PTPRN2: variants seen among roughly 807,000 people sequenced by gnomAD.
PTPRN2 encodes the protein receptor-type tyrosine-protein phosphatase N2.
Under a neutral mutation model 118.8 loss-of-function variants are expected in PTPRN2, and 74 were observed. The ratio of observed to expected loss-of-function variants is 0.62; its 90% confidence interval spans 0.52 to 0.76. PTPRN2 has a LOEUF of 0.76. PTPRN2 is among the 30% of genes least tolerant of loss of function. The probability of loss-of-function intolerance (pLI) is 0.00; values close to 1 mark genes in which losing one functional copy is unlikely to be tolerated. For missense variants in PTPRN2, 1,481 were observed against 1,394.4 expected (o/e 1.06, Z -0.99); for synonymous variants, 641 against 608.0 (o/e 1.05, Z -0.80).
chr7:157,751,094 G>T (rs560292074), intron 12 of PTPRN2, among the ~76,000 whole-genome samples: 100 of 152,374 alleles, frequency 6.6e-4, no homozygotes, highest in African/African-American at 2.3e-3. Flanking sequence ...GCTGTGAGCT[G>T]TGGGGCCGAG....
chr7:157,670,002 T>G (rs1796331368), intron 13 of PTPRN2, among the ~76,000 whole-genome samples: 3 of 152,186 alleles, frequency 2.0e-5, no homozygotes, highest in African/African-American at 2.4e-5. Context: ...GCTGAGCCCC[T>G]GCACACTGGT....
chr7:158,500,664 A>C (rs113078841), intron 1 of PTPRN2, among the ~76,000 whole-genome samples: 66 of 152,254 alleles, frequency 4.3e-4, no homozygotes, highest in African/African-American at 1.5e-3. Context: ...CAAACGCCCC[A>C]GCCACAAAAA....
At chr7:158,407,748 C>T (rs1269024564) in intron 2 of PTPRN2, among the ~76,000 whole-genome samples, 2 of 152,160 alleles carry the variant, frequency 1.3e-5, no homozygotes, top group African/African-American at 2.4e-5. Context: ...GACCCTGGGC[C>T]GCTCAAGCAG....
rs80251973 is a variant in PTPRN2, at chr7:158,134,826, T to C, written c.1174-767A>G. On this transcript the variant is annotated intron_variant, in intron 8 of 22. Coordinates refer to ENST00000389418, the MANE Select transcript of PTPRN2 (RefSeq NM_002847.5). Reference sequence around the variant, plus strand: ...TCATGTAATTACTACTCCAACCCCATAAATAAAGGGTGAGTTTCACCTTTA... The same window carrying C: ...TCATGTAATTACTACTCCAACCCCACAAATAAAGGGTGAGTTTCACCTTTA... Among the ~76,000 whole-genome samples, 102 of 152,300 alleles carry C rather than the reference T, an allele frequency of 6.7e-4. 1 individual carries two copies. In the East Asian group the frequency reaches 0.017, roughly 26 times the overall value.
rs1175998824 is a variant in PTPRN2, at chr7:158,574,820, G to A, written c.112+12738C>T. ...CAGGCCTTGCTGGCACACTGGGTGG[G>A]TGGCTCCGTGGAGTGTCCTGCCTAC... On this transcript the variant is annotated intron_variant, in intron 1 of 22. Coordinates refer to ENST00000389418, the MANE Select transcript of PTPRN2 (RefSeq NM_002847.5). This position sits in a 1 kb window ranked among gnomAD's most constrained non-coding sequence, Gnocchi z 4.6. Among the ~76,000 whole-genome samples the A allele has an allele frequency of 6.6e-6, 1 of 152,182 alleles. No homozygotes were observed. The highest frequency in any genetic ancestry group is 2.4e-5 in the African/African-American group (1 of 41,440).
In PTPRN2 at chr7:158,081,328, C is replaced by T. The variant is rs746331581; in HGVS notation, c.1693G>A (p.Val565Met). ...GCCTTCTCCACATCCTCAGTGGTCA[C>T]GTTTTGGACATTGGCGCTCACTTTG... ...TFKVSANVQN[V>M]TTEDVEKATV... Residue 565 changes from valine (V) to methionine (M), a missense_variant, in exon 11 of 23, where the codon GTG becomes ATG. Coordinates refer to ENST00000389418, the MANE Select transcript of PTPRN2 (RefSeq NM_002847.5). 14 of 1,614,028 alleles carry T rather than the reference C, an allele frequency of 8.7e-6. No individual in the cohort carries two copies. In the Admixed American group the frequency reaches 1.2e-4, roughly 13 times the overall value.
In PTPRN2 at chr7:157,572,233, T is replaced by A. The variant is rs370042475; in HGVS notation, c.2784-740A>T. ...AATTCAGTGAAACAATGAAACATGT[T>A]TATGAAGTCCATTAAAGTTGTCAGT... On this transcript the variant is annotated intron_variant, in intron 19 of 22. Coordinates refer to ENST00000389418, the MANE Select transcript of PTPRN2 (RefSeq NM_002847.5). Among the ~76,000 whole-genome samples the A allele has an allele frequency of 2.0e-5, 3 of 152,298 alleles. No homozygotes were observed. In the East Asian group the frequency reaches 5.8e-4, roughly 29 times the overall value.
In PTPRN2 at chr7:158,565,194, G is replaced by A. The variant is rs376065453; in HGVS notation, c.112+22364C>T. On this transcript the variant is annotated intron_variant, in intron 1 of 22. Transcript: ENST00000389418. This position sits in a 1 kb window ranked among gnomAD's most constrained non-coding sequence, Gnocchi z 4.6. ...CGTGCTACATCAGATCTGAGTATCA[G>A]GATCCAGCCGTATTTGACTTTTAGA... 2.6e-5 allele frequency among the ~76,000 whole-genome samples: 4 copies of A among 152,174 alleles called. No individual in the cohort carries two copies. Among genetic ancestry groups the A allele is most frequent in the South Asian group, 4.1e-4 (2 of 4,828 alleles).
At chr7:158,144,641 GGAAGGGGAAGGA>G (rs1214124637) in intron 6 of PTPRN2, among the ~76,000 whole-genome samples, 1 of 152,120 alleles carries the variant, frequency 6.6e-6, no homozygotes, top group African/African-American at 2.4e-5. Context: ...AAGGGGAAGG[GGAAGGGGAAGGA>G]GAAGGGGGAC....
Position 157,987,313 on chromosome 7 carries a change from G to C in PTPRN2, c.1724-88576C>G, listed in dbSNP as rs1417616863. ...GATGACCGGTCACTAAAGGGGGCGA[G>C]GTTACCAGTCACTAAAGGGAAAGGG... On this transcript the variant is annotated intron_variant, in intron 11 of 22. Transcript: ENST00000389418. This position sits in a 1 kb window ranked among gnomAD's most constrained non-coding sequence, Gnocchi z 4.3. Among the ~76,000 whole-genome samples the C allele has an allele frequency of 6.7e-6, 1 of 150,122 alleles. No individual in the cohort carries two copies. The highest frequency in any genetic ancestry group is 6.7e-5 in the Admixed American group (1 of 15,006).
At chr7:157,708,482 G>A (rs528213216) in intron 12 of PTPRN2, among the ~76,000 whole-genome samples, 4 of 152,100 alleles carry the variant, frequency 2.6e-5, no homozygotes, top group South Asian at 4.2e-4. Flanking sequence ...AGTGGCTCTC[G>A]GCCATTCAGG....
intron 21 of PTPRN2, among the ~76,000 whole-genome samples, chr7:157,562,163 G>C (rs1460629146): frequency 6.6e-6 from 1 of 152,158 alleles, no homozygotes; most frequent in African/African-American, 2.4e-5. Context: ...CAGGGCTCTG[G>C]GGACAGCTCG....
In PTPRN2 at chr7:157,831,558, G is replaced by C. The variant is rs145084426; in HGVS notation, c.1788+67115C>G. On this transcript the variant is annotated intron_variant, in intron 12 of 22. Transcript: ENST00000389418. The surrounding 1 kb of genome is among the most constrained non-coding windows in gnomAD (Gnocchi z 4.8). ...ACTGAGCAGGGTGAGGCAGGGAAGAGGAGGAGCAGAGGAGTGGCTGGGAGG... is the reference window on the plus strand; with the variant it reads ...ACTGAGCAGGGTGAGGCAGGGAAGACGAGGAGCAGAGGAGTGGCTGGGAGG... Among the ~76,000 whole-genome samples, 2 of 152,268 alleles carry C rather than the reference G, an allele frequency of 1.3e-5. No individual in the cohort carries two copies. The highest frequency in any genetic ancestry group is 4.1e-4 in the South Asian group (2 of 4,820).
chr7:158,342,202 C>T (rs1208243868), intron 2 of PTPRN2, among the ~76,000 whole-genome samples: 1 of 148,050 alleles, frequency 6.8e-6, no homozygotes, highest in East Asian at 2.0e-4. Context: ...ACGTCACTCA[C>T]ACCCACACAC....
At chr7:158,265,386 G>A (rs1797803798) in intron 3 of PTPRN2, among the ~76,000 whole-genome samples, 2 of 151,912 alleles carry the variant, frequency 1.3e-5, no homozygotes, top group Admixed American at 1.3e-4. Flanking sequence ...ATACTTGCAG[G>A]CAGGCACCCA....
At chr7:157,635,238 T>C (rs1036890343) in intron 14 of PTPRN2, among the ~76,000 whole-genome samples, 4 of 152,234 alleles carry the variant, frequency 2.6e-5, no homozygotes, top group African/African-American at 9.6e-5. Context: ...TGGTACACCC[T>C]ACATGATCAG....
intron 12 of PTPRN2, chr7:157,857,970 C>A (rs1184125654): frequency 6.5e-6 from 1 of 154,888 alleles, no homozygotes; most frequent in Admixed American, 6.5e-5. Context: ...TATGAGAAAG[C>A]CTTGTGAGGG....
At chr7:158,090,664 C>G (rs1814040938) in intron 10 of PTPRN2, among the ~76,000 whole-genome samples, 1 of 152,182 alleles carries the variant, frequency 6.6e-6, no homozygotes, top group Admixed American at 6.5e-5. Context: ...CTAGGATACT[C>G]CTATCACTCA....
rs1243159406 is a variant in PTPRN2 at position 157,785,326 on chromosome 7, C to T, written c.1789-102389G>A. Among the ~76,000 whole-genome samples the T allele has an allele frequency of 2.6e-5, 4 of 152,186 alleles. No homozygotes were observed. In the South Asian group the frequency reaches 6.2e-4, roughly 24 times the overall value. On this transcript the variant is annotated intron_variant, in intron 12 of 22. Transcript: ENST00000389418. This position sits in a 1 kb window ranked among gnomAD's most constrained non-coding sequence, Gnocchi z 7.3. ...GGTGACGGTGGATCCACAGCTGCCG[C>T]GGGTCCCCCCAACCCCAAAGCCACT...
Sources: allele counts gnomAD v4.1 joint callset (sites outside exome capture counted in the v4.1 genomes callset), GRCh38; gene constraint gnomAD v4.1.1; non-coding constraint Gnocchi (gnomAD v3.1); transcripts MANE v1.5; gene names NCBI Gene and HGNC (gene_info 2026-07-23, HGNC 2026-07-21).